GRIK3: variants seen among roughly 807,000 people sequenced by gnomAD.
GRIK3 encodes glutamate ionotropic receptor kainate type subunit 3, also known as glutamate receptor ionotropic, kainate 3.
A neutral mutation model predicts 102.5 loss-of-function variants in GRIK3; 29 were observed. The ratio of observed to expected loss-of-function variants is 0.28; its 90% CI spans 0.21 to 0.39. The LOEUF is 0.39. GRIK3 is among the 10% of genes least tolerant of loss of function. The pLI is 1.00. For missense variants in GRIK3, 908 were observed against 1,252.4 expected, an observed-to-expected ratio of 0.73 and a Z score of 4.15; for synonymous variants, 511 against 504.9, an observed-to-expected ratio of 1.01 and a Z score of -0.16.
At chr1:36,862,002 G>C (rs926984876) in intron 5 of GRIK3, among the ~76,000 whole-genome samples, 2 of 152,148 alleles carry the variant, frequency 1.3e-5, no homozygotes, top group Admixed American at 1.3e-4. Context: ...ACAGCCCCCT[G>C]TGAAGTAGGC....
At position 36,872,354 on chromosome 1, in the gene GRIK3, T is replaced by C. The variant is rs1280814277; in HGVS notation, c.566A>G (p.Gln189Arg). ...YDDSTGLIRLQELIMAPSRYN... is the reference protein window; with the variant it reads ...YDDSTGLIRLRELIMAPSRYN... ...TCTTGATGGGGCCATGATGAGCTCC[T>C]GCAGTCGGATGAGCCCTGAGGGGCC... The change falls in exon 4 of 16, where the codon CAG (glutamine) becomes CGG (arginine). Residue 189 changes from glutamine (Q) to arginine (R), a missense_variant. Gln to Arg is a conservative substitution (Grantham distance 43). Around this residue, in one of 3 missense-constraint regions of GRIK3, gnomAD observed 585 missense variants for 824.9 expected, o/e 0.71. Coordinates refer to ENST00000373091, the MANE Select transcript of GRIK3 (RefSeq NM_000831.4). This position sits in a 1 kb window ranked among gnomAD's most constrained non-coding sequence, Gnocchi z 5.9. 4 of 1,601,648 alleles carry C rather than the reference T, an allele frequency of 2.5e-6. No individual in the cohort carries two copies. The highest frequency in any genetic ancestry group is 3.4e-6 in the Non-Finnish European group (4 of 1,172,558).
At chr1:36,972,671 C>CA (rs1032924116) in intron 1 of GRIK3, among the ~76,000 whole-genome samples, 1 of 152,074 alleles carries the variant, frequency 6.6e-6, no homozygotes, top group Non-Finnish European at 1.5e-5. Context: ...TTCAAGGGTC[C>CA]AATCTCTTTG....
intron 1 of GRIK3, among the ~76,000 whole-genome samples, chr1:36,951,254 T>C (rs1193393679): frequency 6.6e-6 from 1 of 152,150 alleles, no homozygotes; most frequent in Admixed American, 6.5e-5. Context: ...GGCAGCACCC[T>C]CTGAAGGGAA....
At chr1:36,990,465 G>A (rs111840593) in intron 1 of GRIK3, among the ~76,000 whole-genome samples, 1 of 152,152 alleles carries the variant, frequency 6.6e-6, no homozygotes, top group Non-Finnish European at 1.5e-5. Context: ...GGAGGAGCTG[G>A]CTTCAGGCAG....
chr1:36,942,676 TACA>T lies in GRIK3; in HGVS notation c.116-51583_116-51581del, dbSNP rs1481453791. Among the ~76,000 whole-genome samples the T allele has an allele frequency of 6.1e-4, 92 of 151,380 alleles. 1 individual carries two copies. The highest frequency in any genetic ancestry group is 1.9e-3 in the African/African-American group (79 of 41,250). ...CCAAACCCCACCCCCAACCCTTGCC[TACA>T]GCTGGAGGAGAACTGGGAAGTCAGG... On this transcript the variant is annotated intron_variant, in intron 1 of 15. Coordinates refer to ENST00000373091, the MANE Select transcript of GRIK3 (RefSeq NM_000831.4).
chr1:36,942,536 C>G (rs945991883), intron 1 of GRIK3, among the ~76,000 whole-genome samples: 4 of 152,116 alleles, frequency 2.6e-5, no homozygotes, highest in Admixed American at 6.5e-5. Context: ...CCCTTGCCTG[C>G]AGCTGGAGGG....
intron 10 of GRIK3, among the ~76,000 whole-genome samples, chr1:36,835,477 C>T (rs955892894): frequency 7.9e-5 from 12 of 152,172 alleles, no homozygotes; most frequent in Non-Finnish European, 1.5e-4. Flanking sequence ...CATTAGTCAC[C>T]CTCTATGGCA....
chr1:36,861,755 G>A lies in GRIK3; in HGVS notation c.787-1738C>T, dbSNP rs543624581. Among the ~76,000 whole-genome samples, 108 of 152,302 alleles carry A rather than the reference G, an allele frequency of 7.1e-4. 1 individual carries two copies. Among genetic ancestry groups the A allele is most frequent in the African/African-American group, 2.5e-3 (105 of 41,566 alleles). On this transcript the variant is annotated intron_variant, in intron 5 of 15. Coordinates refer to ENST00000373091, the MANE Select transcript of GRIK3 (RefSeq NM_000831.4). ...TTGGGGAGTAGGGAAGGGGTTTGGA[G>A]CAGACTTGAGCCCAGGCAAGAAAGT...
chr1:36,935,136 G>A (rs1641641121), intron 1 of GRIK3, among the ~76,000 whole-genome samples: 1 of 152,176 alleles, frequency 6.6e-6, no homozygotes, highest in Admixed American at 6.5e-5. Context: ...CCTACCATTT[G>A]TAAGTTTCAT....
chr1:36,974,825 A>G (rs890649195), intron 1 of GRIK3, among the ~76,000 whole-genome samples: 6 of 151,760 alleles, frequency 4.0e-5, no homozygotes, highest in African/African-American at 1.5e-4. Context: ...AAAAAAAAGG[A>G]ATGCCATTCT....
chr1:37,013,505 T>C (rs1642618820), intron 1 of GRIK3, among the ~76,000 whole-genome samples: 1 of 152,322 alleles, frequency 6.6e-6, no homozygotes, highest in South Asian at 2.1e-4. Flanking sequence ...GCCACTAAAC[T>C]TCCCACTTGT....
At chr1:37,000,930 C>A (rs547481764) in intron 1 of GRIK3, among the ~76,000 whole-genome samples, 97 of 152,320 alleles carry the variant, frequency 6.4e-4, no homozygotes, top group African/African-American at 2.2e-3. Context: ...CTGGCAAATA[C>A]CGAAGCATTG....
chr1:37,009,404 C>T (rs925495499), intron 1 of GRIK3, among the ~76,000 whole-genome samples: 1 of 152,244 alleles, frequency 6.6e-6, no homozygotes, highest in African/African-American at 2.4e-5. Context: ...CCCCCTCACA[C>T]CCCCAGCCCC....
intron 1 of GRIK3, among the ~76,000 whole-genome samples, chr1:36,983,111 G>A (rs758493778): frequency 2.6e-5 from 4 of 152,078 alleles, no homozygotes; most frequent in Admixed American, 6.6e-5. Flanking sequence ...ACTCATCAGG[G>A]TGCAGCTACG....
chr1:36,801,753 G>T lies in GRIK3; in HGVS notation c.*98C>A. The T allele has an allele frequency of 9.3e-7, 1 of 1,072,020 alleles. No homozygotes were observed. Among genetic ancestry groups the T allele is most frequent in the Non-Finnish European group, 1.3e-6 (1 of 773,948 alleles). The allele number at this position is 1,072,020 out of a possible 1,614,324, so 66.4% of individuals were successfully genotyped here. On this transcript the variant is annotated 3_prime_UTR_variant, in exon 16 of 16. Transcript: ENST00000373091. ...GCCCAACAGGCAGGTGGCAGCTCTG[G>T]TCCCCAAGCCCAGTGCGGGGACAGG...
chr1:36,925,070 AGAG>A (rs1432789223), intron 1 of GRIK3, among the ~76,000 whole-genome samples: 1 of 152,236 alleles, frequency 6.6e-6, no homozygotes, highest in Non-Finnish European at 1.5e-5. Flanking sequence ...CCCATTATTC[AGAG>A]GATAACAAAT....
At chr1:36,924,175 T>G (rs556938486) in intron 1 of GRIK3, among the ~76,000 whole-genome samples, 2 of 152,252 alleles carry the variant, frequency 1.3e-5, no homozygotes, top group East Asian at 3.9e-4. Flanking sequence ...GTGCCAGGGT[T>G]TCAGGAACTC....
intron 11 of GRIK3, among the ~76,000 whole-genome samples, chr1:36,823,056 C>T (rs1047187795): frequency 2.0e-5 from 3 of 152,140 alleles, no homozygotes; most frequent in Non-Finnish European, 2.9e-5. Context: ...TTCCCAGGCC[C>T]CATTTCTTGG....
rs571714529 is a variant in GRIK3 at position 36,833,964 on chromosome 1, G to A, written c.1530+7772C>T. 1.6e-4 allele frequency among the ~76,000 whole-genome samples: 24 copies of A among 152,270 alleles called. No individual in the cohort carries two copies. The South Asian group carries it at 5.0e-3, about 32-fold the overall frequency. ...TCTTCCCCCAAAGTTTCCTGGGATGGGTCACAGTGACTCCCCACTGCTCTC... is the reference window on the plus strand; with the variant it reads ...TCTTCCCCCAAAGTTTCCTGGGATGAGTCACAGTGACTCCCCACTGCTCTC... On this transcript the variant is annotated intron_variant, in intron 10 of 15. Coordinates refer to ENST00000373091, the MANE Select transcript of GRIK3 (RefSeq NM_000831.4).
Sources: allele counts gnomAD v4.1 joint callset (sites outside exome capture counted in the v4.1 genomes callset), GRCh38; gene constraint gnomAD v4.1.1; regional missense constraint gnomAD v4.1.1; non-coding constraint Gnocchi (gnomAD v3.1); transcripts MANE v1.5; gene names NCBI Gene and HGNC (gene_info 2026-07-23, HGNC 2026-07-21).